PTBP3: variants seen among roughly 807,000 people sequenced by gnomAD.
The protein encoded by PTBP3 is polypyrimidine tract binding protein 3, also known as polypyrimidine tract-binding protein 3.
In PTBP3, 20 loss-of-function variants were observed where a neutral mutation model predicts 58.7. The ratio of observed to expected loss-of-function variants is 0.34; its 90% CI spans 0.24 to 0.50. The LOEUF (loss-of-function observed/expected upper bound fraction) is 0.50, where lower values mean the gene tolerates loss of function less well. PTBP3 is among the 20% of genes least tolerant of loss of function. The pLI, the probability that PTBP3 is intolerant of heterozygous loss-of-function variation, is 0.98. For missense variants in PTBP3, 509 were observed against 637.2 expected (o/e 0.80, Z 2.17); for synonymous variants, 185 against 219.8 (o/e 0.84, Z 1.40).
chr9:112,225,722 C>T (rs1257239681), intron 12 of PTBP3, among the ~76,000 whole-genome samples: 1 of 152,098 alleles, frequency 6.6e-6, no homozygotes, highest in Non-Finnish European at 1.5e-5. Flanking sequence ...ATGTAGGTTG[C>T]AACTGGAGCC....
At chr9:112,270,824 TG>T (rs1419103400) in intron 3 of PTBP3, among the ~76,000 whole-genome samples, 1 of 152,162 alleles carries the variant, frequency 6.6e-6, no homozygotes, top group African/African-American at 2.4e-5. Context: ...TTTTTGTATT[TG>T]TTTGTTTTTT....
chr9:112,324,966 T>A (rs1830099363), intron 1 of PTBP3, among the ~76,000 whole-genome samples: 1 of 152,118 alleles, frequency 6.6e-6, no homozygotes, highest in Non-Finnish European at 1.5e-5. Flanking sequence ...CATCTACATA[T>A]CCTATCACCC....
At chr9:112,321,970 C>T (rs745737485) in intron 1 of PTBP3, among the ~76,000 whole-genome samples, 15 of 151,940 alleles carry the variant, frequency 9.9e-5, no homozygotes, top group Non-Finnish European at 2.1e-4. Flanking sequence ...CCTGTCTCTA[C>T]TAAAAAATAC....
intron 7 of PTBP3, among the ~76,000 whole-genome samples, chr9:112,250,615 T>C (rs1246456428): frequency 6.6e-6 from 1 of 152,226 alleles, no homozygotes; most frequent in Non-Finnish European, 1.5e-5. Flanking sequence ...ATTATGGCTA[T>C]AAACTAGCAT....
intron 7 of PTBP3, among the ~76,000 whole-genome samples, chr9:112,248,732 A>G (rs961067535): frequency 6.6e-6 from 1 of 152,208 alleles, no homozygotes; most frequent in Admixed American, 6.5e-5. Context: ...GCATTATGTA[A>G]TGAAACTGAA....
intron 1 of PTBP3, among the ~76,000 whole-genome samples, chr9:112,322,134 CAAAAAAAAA>C (rs149553072): frequency 4.4e-5 from 3 of 68,360 alleles, no homozygotes; most frequent in African/African-American, 6.4e-5. Flanking sequence ...GACTCCATCT[CAAAAAAAAA>C]AAAAAAAAAA....
At chr9:112,231,439 T>C (rs1835194860) in intron 9 of PTBP3, 26 bp from the exon 10 acceptor site, 2 of 1,548,200 alleles carry the variant, frequency 1.3e-6, no homozygotes, top group Admixed American at 4.0e-5. Flanking sequence ...CAAAGTTAAG[T>C]GTCTGACAAT....
chr9:112,354,285 C>CT, the PTBP3 span, among the ~76,000 whole-genome samples: 3 of 152,318 alleles, frequency 2.0e-5, no homozygotes, highest in South Asian at 6.2e-4. Context: ...TACCAAACAA[C>CT]TGGGTGAAGC....
chr9:112,350,035 T>C, the PTBP3 span, among the ~76,000 whole-genome samples: 1 of 151,866 alleles, frequency 6.6e-6, no homozygotes, highest in African/African-American at 2.4e-5. Flanking sequence ...TTTCCTCAGA[T>C]GGTTTTTTTT....
At chr9:112,325,466 T>C (rs1485682431) in intron 1 of PTBP3, among the ~76,000 whole-genome samples, 1 of 152,014 alleles carries the variant, frequency 6.6e-6, no homozygotes, top group Non-Finnish European at 1.5e-5. Flanking sequence ...GCTTAATAAA[T>C]TCCACTCTCC....
intron 1 of PTBP3, among the ~76,000 whole-genome samples, chr9:112,331,625 T>C (rs1564470317): frequency 6.6e-6 from 1 of 152,206 alleles, no homozygotes; most frequent in Non-Finnish European, 1.5e-5. Context: ...AAAAATAAAA[T>C]GGTGTAACAC....
At chr9:112,272,212 G>A (rs1799726584) in intron 3 of PTBP3, among the ~76,000 whole-genome samples, 1 of 151,974 alleles carries the variant, frequency 6.6e-6, no homozygotes, top group East Asian at 1.9e-4. Context: ...ACAGGTGGGT[G>A]CCGCCACACT....
At chr9:112,349,901 A>C in the PTBP3 span, among the ~76,000 whole-genome samples, 1 of 145,278 alleles carries the variant, frequency 6.9e-6, no homozygotes, top group Non-Finnish European at 1.5e-5. Flanking sequence ...AATTCAGTTG[A>C]ATTACAGGAC....
intron 2 of PTBP3, among the ~76,000 whole-genome samples, chr9:112,289,168 G>A (rs1242201178): frequency 6.6e-6 from 1 of 152,288 alleles, no homozygotes; most frequent in South Asian, 2.1e-4. Context: ...TAAGGAGGGG[G>A]TATGTTCTTT....
At chr9:112,306,185 G>T (rs543751911) in intron 1 of PTBP3, among the ~76,000 whole-genome samples, 280 of 151,094 alleles carry the variant, frequency 1.9e-3, no homozygotes, top group Non-Finnish European at 3.5e-3. Flanking sequence ...TTTTTTTTGA[G>T]ACAAGGTCTC....
rs1410020549 is a variant in PTBP3, at chr9:112,227,446, A to G, written c.1329T>C (p.Phe443=). The G allele has an allele frequency of 6.2e-7, 1 of 1,613,888 alleles. No homozygotes were observed. Among genetic ancestry groups the G allele is most frequent in the Non-Finnish European group, 8.5e-7 (1 of 1,179,910 alleles). The change falls in exon 12 of 14, where the codon TTT becomes TTC. Residue 443 remains phenylalanine (F), a synonymous_variant. Coordinates refer to ENST00000374257, the MANE Select transcript of PTBP3 (RefSeq NM_001163788.4). ...AAAGATGCAGAGTGGCTGATGGTGG[A>G]AAGATATTCTGGAAGTTTTTAGAGC... ...KPGSKNFQNI[F]PPSATLHLSN...
chr9:112,320,314 A>ATATATATATATATTTTTTTT, intron 1 of PTBP3, among the ~76,000 whole-genome samples: 13 of 75,682 alleles, frequency 1.7e-4, no homozygotes, highest in South Asian at 9.7e-4. Flanking sequence ...ATATATATAT[A>ATATATATATATATTTTTTTT]TTTTTTTTTA....
the PTBP3 span, among the ~76,000 whole-genome samples, chr9:112,339,791 T>A: frequency 2.6e-5 from 4 of 151,968 alleles, no homozygotes; most frequent in Non-Finnish European, 5.9e-5. Flanking sequence ...TTCCAACTCC[T>A]AACTTATCAG....
Position 112,288,862 on chromosome 9 carries a change from T to G in PTBP3, c.34+8970A>C, listed in dbSNP as rs550905730. On this transcript the variant is annotated intron_variant, in intron 2 of 13. Coordinates refer to ENST00000374257, the MANE Select transcript of PTBP3 (RefSeq NM_001163788.4). ...TTAGTGTTTACAATTCTTCATATGGTTTTATTTAAAGCAACCCGCATTTCT... is the reference window on the plus strand; with the variant it reads ...TTAGTGTTTACAATTCTTCATATGGGTTTATTTAAAGCAACCCGCATTTCT... 1.7e-3 allele frequency among the ~76,000 whole-genome samples: 252 copies of G among 152,344 alleles called. 1 individual carries two copies. The highest frequency in any genetic ancestry group is 5.8e-3 in the African/African-American group (241 of 41,568).
Sources: gnomAD v4.1 joint callset for allele counts (sites outside exome capture counted in the v4.1 genomes callset) on GRCh38, gnomAD v4.1.1 for gene constraint, MANE v1.5 for transcripts, NCBI Gene and HGNC (gene_info 2026-07-23, HGNC 2026-07-21) for gene names.